Variants in GRK5 observed in about 807,000 individuals in gnomAD.
GRK5 encodes G protein-coupled receptor kinase 5.
GRK5 carries 40 observed loss-of-function variants against 78.4 expected under a neutral mutation model. That is an observed-to-expected ratio of 0.51 (90% CI 0.40 to 0.66). GRK5 has a LOEUF of 0.66. Ranked by LOEUF, GRK5 falls within the 30% of genes least tolerant of loss-of-function variation. The probability of loss-of-function intolerance (pLI) is 0.00; values close to 1 mark genes in which losing one functional copy is unlikely to be tolerated. For missense variants in GRK5, 598 were observed against 759.9 expected, an observed-to-expected ratio of 0.79 and a Z score of 2.50; for synonymous variants, 289 against 296.8, an observed-to-expected ratio of 0.97 and a Z score of 0.27.
chr10:119,393,284 C>T (rs975076300), intron 3 of GRK5, among the ~76,000 whole-genome samples: 3 of 152,282 alleles, frequency 2.0e-5, no homozygotes, highest in African/African-American at 4.8e-5. Flanking sequence ...CCTGTCCCCG[C>T]GTGCTCCCTC....
chr10:119,248,098 A>G (rs1196143073), intron 1 of GRK5, among the ~76,000 whole-genome samples: 3 of 152,126 alleles, frequency 2.0e-5, no homozygotes, highest in East Asian at 3.8e-4. Flanking sequence ...TGCAGCCTCA[A>G]CCTCCTGGAC....
At chr10:119,454,891 G>T in intron 15 of GRK5, 78 bp from the exon 16 acceptor site, 2 of 916,902 alleles carry the variant, frequency 2.2e-6, no homozygotes, top group East Asian at 2.4e-5. Flanking sequence ...GCAGGCAGAG[G>T]CAGCCCCGAC....
chr10:119,294,261 T>C (rs1348924602), intron 1 of GRK5, among the ~76,000 whole-genome samples: 1 of 152,150 alleles, frequency 6.6e-6, no homozygotes, highest in Non-Finnish European at 1.5e-5. Context: ...AAGGTGAGAC[T>C]ATAACCACTT....
chr10:119,443,644 C>T lies in GRK5; in HGVS notation c.1158C>T (p.Arg386=), dbSNP rs762466781. Residue 386 remains arginine, a synonymous_variant, in exon 12 of 16, where the codon CGC becomes CGT. Coordinates refer to ENST00000392870, the MANE Select transcript of GRK5 (RefSeq NM_005308.3). ...YEMIEGQSPF[R]GRKEKVKREE... ...TGATCGAGGGCCAGTCGCCGTTCCGCGGCCGCAAGGAGAAGGTGAAGCGGG... is the reference window on the plus strand; with the variant it reads ...TGATCGAGGGCCAGTCGCCGTTCCGTGGCCGCAAGGAGAAGGTGAAGCGGG... 5.0e-5 allele frequency: 81 copies of T among 1,613,476 alleles called. No homozygotes were observed. Among genetic ancestry groups the T allele is most frequent in the South Asian group, 8.8e-5 (8 of 91,086 alleles).
rs532783740 is a variant in GRK5, at chr10:119,299,214, G to C, written c.53-27302G>C. 3.3e-5 allele frequency among the ~76,000 whole-genome samples: 5 copies of C among 152,282 alleles called. No individual in the cohort carries two copies. The East Asian group carries it at 9.6e-4, about 29-fold the overall frequency. On this transcript the variant is annotated intron_variant, in intron 1 of 15. Transcript: ENST00000392870. ...TCCAAGCACTTTGGGAGGCCAAGGC[G>C]GGTGGATCACCTGAGGTCAGGAGTT...
At position 119,452,691 on chromosome 10, in the gene GRK5, G is replaced by T; in HGVS notation, c.1425G>T (p.Lys475Asn). ...GGCAGCCCCGCGCTGTGTACTGTAA[G>T]GACGTGCTGGACATCGAGCAGTTCT... ...FVPDPRAVYC[K>N]DVLDIEQFST... Residue 475 changes from lysine to asparagine, a missense_variant, in exon 14 of 16, where the codon AAG becomes AAT. Physicochemically the swap from Lys to Asn is moderately conservative, Grantham distance 94. Coordinates refer to ENST00000392870, the MANE Select transcript of GRK5 (RefSeq NM_005308.3). The surrounding 1 kb of genome is among the most constrained non-coding windows in gnomAD (Gnocchi z 4.4). 1 of 1,614,138 alleles carries T rather than the reference G, an allele frequency of 6.2e-7. No individual in the cohort carries two copies. The highest frequency in any genetic ancestry group is 8.5e-7 in the Non-Finnish European group (1 of 1,180,036).
chr10:119,358,028 G>C (rs894839554), intron 2 of GRK5, among the ~76,000 whole-genome samples: 1 of 152,226 alleles, frequency 6.6e-6, no homozygotes, highest in Non-Finnish European at 1.5e-5. Flanking sequence ...AGTATGGAAA[G>C]TATGTGAGCC....
chr10:119,431,675 G>A lies in GRK5; in HGVS notation c.738+148G>A, dbSNP rs760749742. ...GGCAGCGCTGAGCTACAGAAAGGCC[G>A]CAAGACATTCCTCCATCACACGGCC... is the stretch of plus-strand genomic sequence containing the variant. On this transcript the variant is annotated intron_variant, in intron 8 of 15. Transcript: ENST00000392870. This position sits in a 1 kb window ranked among gnomAD's most constrained non-coding sequence, Gnocchi z 4.8. The A allele has an allele frequency of 2.0e-5, 19 of 932,166 alleles. No individual in the cohort carries two copies. The highest frequency in any genetic ancestry group is 3.4e-4 in the Middle Eastern group (1 of 2,908). The allele number at this position is 932,166 out of a possible 1,614,324, so 57.7% of individuals were successfully genotyped here.
At chr10:119,436,935 G>T in intron 9 of GRK5, 94 bp downstream of exon 9, 1 of 1,191,458 alleles carries the variant, frequency 8.4e-7, no homozygotes. Flanking sequence ...CATCGCTCTG[G>T]GAATCAGCCC....
chr10:119,427,584 T>C (rs1852720967), intron 6 of GRK5, among the ~76,000 whole-genome samples: 1 of 151,750 alleles, frequency 6.6e-6, no homozygotes. Context: ...ATCACCACCA[T>C]CATCAGCATC....
At position 119,276,321 on chromosome 10, in the gene GRK5, A is replaced by G. The variant is rs139309412; in HGVS notation, c.53-50195A>G. 3.2e-3 allele frequency among the ~76,000 whole-genome samples: 492 copies of G among 152,112 alleles called. 2 individuals carry two copies. Among genetic ancestry groups the G allele is most frequent in the African/African-American group, 0.011 (464 of 41,480 alleles). On this transcript the variant is annotated intron_variant, in intron 1 of 15. Transcript: ENST00000392870. Reference sequence around the variant, plus strand: ...TGTGTCTATGTGTTCTCATTGTTCAATTCCCACCTATGAATGAGAACACGT... The same window carrying G: ...TGTGTCTATGTGTTCTCATTGTTCAGTTCCCACCTATGAATGAGAACACGT...
At chr10:119,292,770 T>C (rs1215772404) in intron 1 of GRK5, among the ~76,000 whole-genome samples, 1 of 152,230 alleles carries the variant, frequency 6.6e-6, no homozygotes, top group Non-Finnish European at 1.5e-5. Flanking sequence ...ATGTAAATGC[T>C]ATGTAAATAG....
In GRK5 at chr10:119,326,573, C is replaced by G. The variant is rs1850682963; in HGVS notation, c.110C>G (p.Pro37Arg). 1 of 1,614,164 alleles carries G rather than the reference C, an allele frequency of 6.2e-7. No individual in the cohort carries two copies. Among genetic ancestry groups the G allele is most frequent in the Non-Finnish European group, 8.5e-7 (1 of 1,179,980 alleles). ...AAGTGGAAAGAAATCCTGAAGTTCC[C>G]TCACATTAGCCAGTGTGAAGACCTC... ...SKKWKEILKF[P>R]HISQCEDLRR... The change falls in exon 2 of 16, where the codon CCT (proline) becomes CGT (arginine). Residue 37 changes from proline to arginine, a missense_variant. Pro to Arg is a moderately radical substitution (Grantham distance 103). Coordinates refer to ENST00000392870, the MANE Select transcript of GRK5 (RefSeq NM_005308.3).
chr10:119,267,624 A>G lies in GRK5; in HGVS notation c.53-58892A>G, dbSNP rs1849521838. ...GACATGGCAGGTAGATAGGCAATAA[A>G]AGCACCGAACCAGCCTTAGGTTCTA... On this transcript the variant is annotated intron_variant, in intron 1 of 15. Coordinates refer to ENST00000392870, the MANE Select transcript of GRK5 (RefSeq NM_005308.3). This position sits in a 1 kb window ranked among gnomAD's most constrained non-coding sequence, Gnocchi z 4.1. Among the ~76,000 whole-genome samples the G allele has an allele frequency of 6.6e-6, 1 of 152,148 alleles. No individual in the cohort carries two copies. Among genetic ancestry groups the G allele is most frequent in the African/African-American group, 2.4e-5 (1 of 41,436 alleles).
At chr10:119,369,455 G>A (rs375895738) in intron 2 of GRK5, among the ~76,000 whole-genome samples, 305 of 152,332 alleles carry the variant, frequency 2.0e-3, no homozygotes, top group African/African-American at 7.0e-3. Context: ...CTTCTGAGCA[G>A]CTGCGCATTC....
chr10:119,219,892 T>C (rs1053471954), intron 1 of GRK5, among the ~76,000 whole-genome samples: 3 of 152,200 alleles, frequency 2.0e-5, no homozygotes, highest in African/African-American at 4.8e-5. Flanking sequence ...TAACTTTCGA[T>C]GTGAGCTTCA....
intron 11 of GRK5, 94 bp from the exon 12 acceptor site, chr10:119,443,450 G>T: frequency 1.7e-6 from 2 of 1,145,622 alleles, no homozygotes; most frequent in Non-Finnish European, 2.5e-6. Context: ...TGGGGTAAGA[G>T]TTGGTGGCGG....
Position 119,452,724 on chromosome 10 carries a change from G to A in GRK5, c.1458G>A (p.Val486=). 1.2e-6 allele frequency: 2 copies of A among 1,614,162 alleles called. 1 individual carries two copies. Among genetic ancestry groups the A allele is most frequent in the Middle Eastern group, 3.3e-4 (2 of 6,062 alleles). ...TGGACATCGAGCAGTTCTCCACTGT[G>A]AAGGGCGTCAATCTGGACCACACAG... is the stretch of plus-strand genomic sequence containing the variant. The part of the protein sequence containing the change: ...DVLDIEQFST[V]KGVNLDHTDD... The change falls in exon 14 of 16, where the codon GTG becomes GTA. Residue 486 remains valine (V), a synonymous_variant. Transcript: ENST00000392870. This position sits in a 1 kb window ranked among gnomAD's most constrained non-coding sequence, Gnocchi z 4.4.
At position 119,361,459 on chromosome 10, in the gene GRK5, C is replaced by G. The variant is rs182469731; in HGVS notation, c.149-19356C>G. 3.5e-3 allele frequency among the ~76,000 whole-genome samples: 530 copies of G among 152,342 alleles called. 4 individuals carry two copies. Among genetic ancestry groups the G allele is most frequent in the South Asian group, 6.6e-3 (32 of 4,828 alleles). ...AACCTGCCGCGTAGTAGGCCTTGTT[C>G]TCTGCACTGGGGCACACAACCATGG... On this transcript the variant is annotated intron_variant, in intron 2 of 15. Transcript: ENST00000392870.
Sources: allele counts gnomAD v4.1 joint callset (sites outside exome capture counted in the v4.1 genomes callset), GRCh38; gene constraint gnomAD v4.1.1; non-coding constraint Gnocchi (gnomAD v3.1); transcripts MANE v1.5; gene names NCBI Gene and HGNC (gene_info 2026-07-23, HGNC 2026-07-21).